The following SLIT3 variants were observed in gnomAD, a reference collection of about 807,000 sequenced individuals.
The protein encoded by SLIT3 is slit homolog 3 protein.
A neutral mutation model predicts 184.0 loss-of-function variants in SLIT3; 68 were observed. The observed-to-expected ratio is 0.37, with a 90% CI of 0.30 to 0.45. SLIT3 has a LOEUF of 0.45. Ranked by LOEUF, SLIT3 falls within the 20% of genes least tolerant of loss-of-function variation. The probability of loss-of-function intolerance (pLI) is 1.00; values close to 1 mark genes in which losing one functional copy is unlikely to be tolerated. For missense variants in SLIT3, 1,707 were observed against 2,026.0 expected (o/e 0.84, Z 3.02); for synonymous variants, 831 against 828.6 (o/e 1.00, Z -0.05).
At position 168,712,282 on chromosome 5, in the gene SLIT3, C is replaced by G; in HGVS notation, c.2555+1G>C. 6.2e-7 allele frequency: 1 copy of G among 1,612,840 alleles called. No homozygotes were observed. On this transcript the variant is annotated splice_donor_variant, in intron 24 of 35. Transcript: ENST00000519560. LOFTEE classifies it high-confidence loss of function. ...CATTGGGGAGAAACACTGCTACTTA[C>G]AGATGGGAAAGAGATGTGAGGTCGT... is the stretch of plus-strand genomic sequence containing the variant.
At chr5:168,936,512 C>T (rs1460081829) in intron 4 of SLIT3, among the ~76,000 whole-genome samples, 8 of 152,270 alleles carry the variant, frequency 5.3e-5, no homozygotes, top group African/African-American at 1.7e-4. Flanking sequence ...GGATTACAGG[C>T]GTGAGCCACC....
chr5:168,762,049 G>C (rs1046910321), intron 15 of SLIT3, among the ~76,000 whole-genome samples: 5 of 151,074 alleles, frequency 3.3e-5, no homozygotes, highest in African/African-American at 1.2e-4. Flanking sequence ...GGGATTACAG[G>C]CATGACCCAC....
At chr5:168,917,218 T>C (rs949354423) in intron 4 of SLIT3, among the ~76,000 whole-genome samples, 2 of 152,170 alleles carry the variant, frequency 1.3e-5, no homozygotes, top group African/African-American at 4.8e-5. Context: ...CTACCTAAGA[T>C]CAAGTGGAGG....
At chr5:168,810,723 G>A (rs62378497) in intron 8 of SLIT3, among the ~76,000 whole-genome samples, 1,680 of 152,270 alleles carry the variant, frequency 0.011, 22 homozygotes, top group Non-Finnish European at 0.017. Flanking sequence ...AAGGCCCCCT[G>A]GACCATGGCC....
intron 19 of SLIT3, among the ~76,000 whole-genome samples, chr5:168,749,090 C>T (rs1025751148): frequency 6.6e-6 from 1 of 152,168 alleles, no homozygotes; most frequent in African/African-American, 2.4e-5. Flanking sequence ...ATAGGTTGTG[C>T]ACTCCACAAG....
chr5:169,215,198 C>A (rs558728935), intron 3 of SLIT3, among the ~76,000 whole-genome samples: 9 of 152,272 alleles, frequency 5.9e-5, no homozygotes, highest in African/African-American at 1.9e-4. Flanking sequence ...CCAGCCATGA[C>A]GAACTTCCTT....
rs911932093 is a variant in SLIT3, at chr5:169,143,754, C to G, written c.413+49725G>C. On this transcript the variant is annotated intron_variant, in intron 4 of 35. Transcript: ENST00000519560. Reference sequence around the variant, plus strand: ...AGGTGGAACTGCAGTGAGCCGAGATCGTGCCATTGCACTCCAGCCTGGGTG... The same window carrying G: ...AGGTGGAACTGCAGTGAGCCGAGATGGTGCCATTGCACTCCAGCCTGGGTG... 3.2e-4 allele frequency among the ~76,000 whole-genome samples: 49 copies of G among 152,168 alleles called. 2 individuals are homozygous for G. The highest frequency in any genetic ancestry group is 1.2e-3 in the African/African-American group (48 of 41,536).
Position 168,696,437 on chromosome 5 carries a change from G to C in SLIT3, c.2943-6C>G, listed in dbSNP as rs1285006648. 6.2e-7 allele frequency: 1 copy of C among 1,614,068 alleles called. No individual in the cohort carries two copies. The highest frequency in any genetic ancestry group is 1.7e-5 in the Admixed American group (1 of 60,036). On this transcript the variant is annotated splice_polypyrimidine_tract_variant and splice_region_variant and intron_variant, in intron 27 of 35. Transcript: ENST00000519560. Reference sequence around the variant, plus strand: ...AGCCCAGAGGGCAGGAGCAGCTTTGGGATGTGAGGGGTGGAGAGCAGGGGA... The same window carrying C: ...AGCCCAGAGGGCAGGAGCAGCTTTGCGATGTGAGGGGTGGAGAGCAGGGGA...
At position 168,798,922 on chromosome 5, in the gene SLIT3, C is replaced by T. The variant is rs540102117; in HGVS notation, c.936-3344G>A. ...GCTCAGAGAGATTAAGTCACTTGCC[C>T]AAATTCACAAAGTCAGGGAGAGGTT... On this transcript the variant is annotated intron_variant, in intron 9 of 35. Coordinates refer to ENST00000519560, the MANE Select transcript of SLIT3 (RefSeq NM_003062.4). Among the ~76,000 whole-genome samples the T allele has an allele frequency of 2.5e-3, 382 of 152,274 alleles. 2 individuals are homozygous for T. The highest frequency in any genetic ancestry group is 8.7e-3 in the African/African-American group (360 of 41,558).
intron 14 of SLIT3, among the ~76,000 whole-genome samples, chr5:168,765,449 C>T (rs952118666): frequency 1.3e-5 from 2 of 152,004 alleles, no homozygotes; most frequent in Admixed American, 1.3e-4. Flanking sequence ...CGAGTGGGAG[C>T]CAGAAATGTT....
intron 4 of SLIT3, among the ~76,000 whole-genome samples, chr5:169,136,966 C>T (rs1281324672): frequency 6.6e-6 from 1 of 152,172 alleles, no homozygotes; most frequent in African/African-American, 2.4e-5. Context: ...AAGTGATCCT[C>T]CTGCCTTGGT....
In SLIT3 at chr5:168,950,683, G is replaced by C. The variant is rs373254835; in HGVS notation, c.414-67347C>G. 1.9e-3 allele frequency among the ~76,000 whole-genome samples: 292 copies of C among 152,238 alleles called. 3 individuals carry two copies. Among genetic ancestry groups the C allele is most frequent in the African/African-American group, 6.7e-3 (280 of 41,536 alleles). Reference sequence around the variant, plus strand: ...TCTGTTACAAAACATAATAAAGAGGGGGAAAACCCATTTTACAAAAAAATA... The same window carrying C: ...TCTGTTACAAAACATAATAAAGAGGCGGAAAACCCATTTTACAAAAAAATA... On this transcript the variant is annotated intron_variant, in intron 4 of 35. Transcript: ENST00000519560.
At chr5:169,032,021 C>T (rs935332130) in intron 4 of SLIT3, among the ~76,000 whole-genome samples, 1 of 152,104 alleles carries the variant, frequency 6.6e-6, no homozygotes, top group African/African-American at 2.4e-5. Context: ...GGTTCCAATC[C>T]TGCACCTCCA....
At chr5:168,811,004 C>T (rs1316806646) in intron 8 of SLIT3, among the ~76,000 whole-genome samples, 2 of 152,150 alleles carry the variant, frequency 1.3e-5, no homozygotes, top group African/African-American at 4.8e-5. Context: ...GACCTGCCTC[C>T]TGCCCAGCCA....
chr5:169,290,232 A>G (rs971295435), intron 1 of SLIT3, among the ~76,000 whole-genome samples: 1 of 151,378 alleles, frequency 6.6e-6, no homozygotes, highest in Non-Finnish European at 1.5e-5. Flanking sequence ...GGTGCGCACT[A>G]GGGCACATGC....
At chr5:169,021,226 A>G (rs59782168) in intron 4 of SLIT3, among the ~76,000 whole-genome samples, 24,158 of 152,172 alleles carry the variant, frequency 0.16, 2,325 homozygotes, top group East Asian at 0.51. Flanking sequence ...AGCTTCCAAG[A>G]ATGCCTGTGA....
At chr5:168,960,373 C>A (rs1762962642) in intron 4 of SLIT3, among the ~76,000 whole-genome samples, 1 of 152,234 alleles carries the variant, frequency 6.6e-6, no homozygotes, top group South Asian at 2.1e-4. Context: ...TAAATGCCTA[C>A]TATATGCCAG....
chr5:169,280,355 T>C (rs973515154), intron 1 of SLIT3, among the ~76,000 whole-genome samples: 2 of 152,208 alleles, frequency 1.3e-5, no homozygotes, highest in African/African-American at 2.4e-5. Context: ...TTTTTTCTTT[T>C]CTGCTATTTC....
chr5:169,181,074 A>T (rs1305124755), intron 4 of SLIT3, among the ~76,000 whole-genome samples: 3 of 152,206 alleles, frequency 2.0e-5, no homozygotes, highest in Non-Finnish European at 4.4e-5. Context: ...AAAAACACCA[A>T]TTATGAGCCA....
Sources: allele counts gnomAD v4.1 joint callset (sites outside exome capture counted in the v4.1 genomes callset), GRCh38; gene constraint gnomAD v4.1.1; transcripts MANE v1.5; gene names NCBI Gene and HGNC (gene_info 2026-07-23, HGNC 2026-07-21).